Variants in PCDHGA9 observed in about 807,000 individuals in gnomAD.
PCDHGA9 encodes the protein protocadherin gamma-A9.
Under a neutral mutation model 62.5 loss-of-function variants are expected in PCDHGA9, and 37 were observed. The ratio of observed to expected loss-of-function variants is 0.59; its 90% CI spans 0.46 to 0.78. PCDHGA9 has a LOEUF of 0.78. Among genes scored for constraint, PCDHGA9 ranks in the 30% least tolerant of loss-of-function variants. PCDHGA9 has a pLI of 0.00. For synonymous variants in PCDHGA9, 459 were observed against 484.6 expected (o/e 0.95, Z 0.69); for missense variants, 1,138 against 1,166.2 (o/e 0.98, Z 0.35).
intron 1 of PCDHGA9, among the ~76,000 whole-genome samples, chr5:141,438,948 G>A (rs2154558298): frequency 6.6e-6 from 1 of 152,142 alleles, no homozygotes; most frequent in Middle Eastern, 3.4e-3. Context: ...TTATAGGCAT[G>A]AGCCACCGCA....
intron 1 of PCDHGA9, among the ~76,000 whole-genome samples, chr5:141,438,139 T>C (rs2097931816): frequency 6.6e-6 from 1 of 152,152 alleles, no homozygotes. Context: ...TGGCAAAAGA[T>C]AGCCAGCCTA....
At chr5:141,454,625 C>T (rs1193628253) in intron 1 of PCDHGA9, among the ~76,000 whole-genome samples, 2 of 151,512 alleles carry the variant, frequency 1.3e-5, no homozygotes, top group East Asian at 1.9e-4. Flanking sequence ...AGGCTGGTCT[C>T]GAACCCCCAA....
At chr5:141,463,296 C>T (rs1194250577) in intron 1 of PCDHGA9, among the ~76,000 whole-genome samples, 1 of 151,986 alleles carries the variant, frequency 6.6e-6, no homozygotes, top group African/African-American at 2.4e-5. Flanking sequence ...CTCCTAATCT[C>T]CCCAAACTCT....
chr5:141,427,983 C>G, intron 1 of PCDHGA9: 2 of 1,596,840 alleles, frequency 1.3e-6, no homozygotes, highest in South Asian at 2.2e-5. Context: ...CGCGCTGGGG[C>G]CCGATGGCTC....
At position 141,486,230 on chromosome 5, in the gene PCDHGA9, A is replaced by G. The variant is rs1463946178; in HGVS notation, c.2425-8577A>G. ...TGACAATGCCCCTTACATCACAGTG[A>G]CCTCAGAGCTTGGAACCCTCCCCGA... On this transcript the variant is annotated intron_variant, in intron 1 of 3. Coordinates refer to ENST00000573521, the MANE Select transcript of PCDHGA9 (RefSeq NM_018921.3). This position sits in a 1 kb window ranked among gnomAD's most constrained non-coding sequence, Gnocchi z 5.0. 2 of 1,613,898 alleles carry G rather than the reference A, an allele frequency of 1.2e-6. No individual in the cohort carries two copies. The highest frequency in any genetic ancestry group is 2.2e-5 in the East Asian group (1 of 44,878).
chr5:141,416,109 A>C (rs1365438751), intron 1 of PCDHGA9: 5 of 157,286 alleles, frequency 3.2e-5, no homozygotes, highest in African/African-American at 1.2e-4. Context: ...GCCTTTTTCA[A>C]ACTACATTTT....
At position 141,490,171 on chromosome 5, in the gene PCDHGA9, G is replaced by A. The variant is rs374421995; in HGVS notation, c.2425-4636G>A. 4 of 1,614,100 alleles carry A rather than the reference G, an allele frequency of 2.5e-6. No individual in the cohort carries two copies. The highest frequency in any genetic ancestry group is 3.4e-6 in the Non-Finnish European group (4 of 1,180,034). On this transcript the variant is annotated intron_variant, in intron 1 of 3. Coordinates refer to ENST00000573521, the MANE Select transcript of PCDHGA9 (RefSeq NM_018921.3). The surrounding 1 kb of genome is among the most constrained non-coding windows in gnomAD (Gnocchi z 5.4). ...CCATGTGTTGGGTCCCATAGACTTT[G>A]AGGAGTCACGTTTCTATGAAATTCA...
rs1024686607 is a variant in PCDHGA9, at chr5:141,487,597, T to C, written c.2425-7210T>C. 6.2e-7 allele frequency: 1 copy of C among 1,614,178 alleles called. No homozygotes were observed. The highest frequency in any genetic ancestry group is 8.5e-7 in the Non-Finnish European group (1 of 1,180,040). ...TTCGCCCAAGCTGCCCACCCTCTGA[T>C]CTTCTCTATGGGCTAGAGGTGAGAC... On this transcript the variant is annotated intron_variant, in intron 1 of 3. Coordinates refer to ENST00000573521, the MANE Select transcript of PCDHGA9 (RefSeq NM_018921.3). The surrounding 1 kb of genome is among the most constrained non-coding windows in gnomAD (Gnocchi z 5.0).
chr5:141,501,636 C>T (rs2099810310), intron 2 of PCDHGA9, among the ~76,000 whole-genome samples: 1 of 152,130 alleles, frequency 6.6e-6, no homozygotes, highest in South Asian at 2.1e-4. Flanking sequence ...CTCAACCTCT[C>T]TGAGCCCTGT....
At chr5:141,415,688 T>C (rs373105795) in intron 1 of PCDHGA9, 1 of 1,546,006 alleles carries the variant, frequency 6.5e-7, no homozygotes, top group Admixed American at 2.0e-5. Context: ...GGCATGATGG[T>C]GGAAAGTGTA....
chr5:141,442,119 C>T (rs563017984), intron 1 of PCDHGA9: 1 of 166,262 alleles, frequency 6.0e-6, no homozygotes, highest in African/African-American at 2.4e-5. Context: ...CCCCTCGTCG[C>T]CGACAGCCTG....
rs760070878 is a variant in PCDHGA9, at chr5:141,490,862, C to T, written c.2425-3945C>T. On this transcript the variant is annotated intron_variant, in intron 1 of 3. Coordinates refer to ENST00000573521, the MANE Select transcript of PCDHGA9 (RefSeq NM_018921.3). This position sits in a 1 kb window ranked among gnomAD's most constrained non-coding sequence, Gnocchi z 5.4. ...GTGGTGGGGGTTCGAGACTCCGGCTCTCCCCCATTGCATGCCAACACATCT... is the reference window on the plus strand; with the variant it reads ...GTGGTGGGGGTTCGAGACTCCGGCTTTCCCCCATTGCATGCCAACACATCT... 2.0e-5 allele frequency: 33 copies of T among 1,613,878 alleles called. No individual in the cohort carries two copies. Among genetic ancestry groups the T allele is most frequent in the Non-Finnish European group, 2.8e-5 (33 of 1,179,920 alleles).
At chr5:141,420,334 T>A in intron 1 of PCDHGA9, 1 of 1,402,910 alleles carries the variant, frequency 7.1e-7, no homozygotes, top group Non-Finnish European at 9.5e-7. Context: ...TATATTCCAA[T>A]ATAGTGGTAT....
At chr5:141,423,838 T>G in intron 1 of PCDHGA9, 1 of 1,279,552 alleles carries the variant, frequency 7.8e-7, no homozygotes, top group South Asian at 3.5e-5. Context: ...GAGATTACGA[T>G]AATCTTTCAG....
At chr5:141,418,147 C>T (rs781655205) in intron 1 of PCDHGA9, 3 of 1,614,040 alleles carry the variant, frequency 1.9e-6, no homozygotes, top group Admixed American at 3.3e-5. Flanking sequence ...AGCAAATATG[C>T]AAAGAGAGAA....
Position 141,485,263 on chromosome 5 carries a change from G to A in PCDHGA9, c.2425-9544G>A. 1 of 1,614,162 alleles carries A rather than the reference G, an allele frequency of 6.2e-7. No individual in the cohort carries two copies. On this transcript the variant is annotated intron_variant, in intron 1 of 3. Transcript: ENST00000573521. This position sits in a 1 kb window ranked among gnomAD's most constrained non-coding sequence, Gnocchi z 5.7. ...ACCACCTGGGTTACGTTTGTGGGCA[G>A]ATCCGCTACCCGGTCCCAGAGGAGT...
chr5:141,428,131 G>T, intron 1 of PCDHGA9: 1 of 1,602,720 alleles, frequency 6.2e-7, no homozygotes, highest in Non-Finnish European at 8.5e-7. Flanking sequence ...GGGCTTTTCA[G>T]CCTGGGGCTG....
At chr5:141,451,640 G>A (rs2098720679) in intron 1 of PCDHGA9, among the ~76,000 whole-genome samples, 1 of 152,166 alleles carries the variant, frequency 6.6e-6, no homozygotes, top group South Asian at 2.1e-4. Context: ...CCAGCACTCT[G>A]AGAGGCCAAG....
intron 1 of PCDHGA9, among the ~76,000 whole-genome samples, chr5:141,442,736 A>C (rs2098340663): frequency 6.6e-6 from 1 of 152,226 alleles, no homozygotes; most frequent in African/African-American, 2.4e-5. Flanking sequence ...CCTGTAGGTA[A>C]GGAGCATGTT....
Sources: gnomAD v4.1 joint callset for allele counts (sites outside exome capture counted in the v4.1 genomes callset) on GRCh38, gnomAD v4.1.1 for gene constraint, Gnocchi (gnomAD v3.1) non-coding constraint, MANE v1.5 for transcripts, NCBI Gene and HGNC (gene_info 2026-07-23, HGNC 2026-07-21) for gene names.